Variants in SYNE1 observed in about 807,000 individuals in gnomAD.
SYNE1 encodes spectrin repeat containing nuclear envelope protein 1.
SYNE1 carries 616 observed loss-of-function variants against 1,111.0 expected under a neutral mutation model. That is an observed-to-expected ratio of 0.55 (90% CI 0.52 to 0.59). SYNE1 has a LOEUF of 0.59. SYNE1 is among the 20% of genes least tolerant of loss of function. The pLI, the probability that SYNE1 is intolerant of heterozygous loss-of-function variation, is 0.00. For missense variants in SYNE1, 10,006 were observed against 10,417.0 expected (o/e 0.96, Z 1.72); for synonymous variants, 3,855 against 3,825.8 (o/e 1.01, Z -0.28).
chr6:152,221,135 A>G (rs1452184517), intron 118 of SYNE1, 89 bp from the exon 119 acceptor site: 13 of 1,332,942 alleles, frequency 9.8e-6, no homozygotes, highest in Non-Finnish European at 1.4e-5. Context: ...ATCCTGGTTC[A>G]TGTGAATATA....
chr6:152,380,793 C>T (rs2097398652), intron 56 of SYNE1, among the ~76,000 whole-genome samples: 2 of 152,134 alleles, frequency 1.3e-5, no homozygotes, highest in African/African-American at 2.4e-5. Flanking sequence ...ATGTTTCCTA[C>T]CGCAAATAAT....
intron 131 of SYNE1, among the ~76,000 whole-genome samples, chr6:152,159,187 G>C (rs2061950469): frequency 6.6e-6 from 1 of 152,196 alleles, no homozygotes; most frequent in Non-Finnish European, 1.5e-5. Context: ...TGGTAACTGT[G>C]ACATGATTAA....
intron 58 of SYNE1, among the ~76,000 whole-genome samples, chr6:152,375,633 C>T (rs2097266330): frequency 6.6e-6 from 1 of 152,160 alleles, no homozygotes; most frequent in Non-Finnish European, 1.5e-5. Context: ...TAAAATATAA[C>T]CGCAGCTCTG....
At chr6:152,367,431 A>C in intron 61 of SYNE1, 49 bp from the exon 62 acceptor site, 1 of 1,608,548 alleles carries the variant, frequency 6.2e-7, no homozygotes, top group Admixed American at 1.7e-5. Flanking sequence ...ACAGAGACAA[A>C]CTGCAAAGCT....
At chr6:152,615,403 C>G (rs1415331218) in intron 3 of SYNE1, among the ~76,000 whole-genome samples, 1 of 148,530 alleles carries the variant, frequency 6.7e-6, no homozygotes, top group Non-Finnish European at 1.5e-5. Context: ...AAGATGACTC[C>G]AAGACTCAAT....
At chr6:152,238,935 G>C (rs561524257) in intron 108 of SYNE1, among the ~76,000 whole-genome samples, 2 of 147,206 alleles carry the variant, frequency 1.4e-5, no homozygotes, top group Non-Finnish European at 3.0e-5. Flanking sequence ...TTTTACTCCC[G>C]TTGCCCAGGC....
chr6:152,222,110 C>T (rs2080320406), intron 117 of SYNE1, among the ~76,000 whole-genome samples: 1 of 152,142 alleles, frequency 6.6e-6, no homozygotes. Flanking sequence ...CAACTGAGGT[C>T]AGTTTAGATT....
intron 60 of SYNE1, 135 bp downstream of exon 60, chr6:152,369,336 C>T: frequency 2.1e-6 from 3 of 1,448,664 alleles, no homozygotes; most frequent in South Asian, 2.4e-5. Flanking sequence ...TAAAATCCAC[C>T]AGAAATGGGG....
intron 124 of SYNE1, among the ~76,000 whole-genome samples, chr6:152,208,771 T>C (rs1038686076): frequency 2.0e-5 from 3 of 152,234 alleles, no homozygotes; most frequent in African/African-American, 4.8e-5. Context: ...TAGCAAATCA[T>C]TCCAGATGTT....
intron 12 of SYNE1, among the ~76,000 whole-genome samples, chr6:152,487,029 C>G (rs1400725121): frequency 6.6e-6 from 1 of 152,146 alleles, no homozygotes; most frequent in Non-Finnish European, 1.5e-5. Context: ...AAATAAATCA[C>G]AATTTTTATT....
At chr6:152,362,043 T>C in intron 64 of SYNE1, 127 bp downstream of exon 64, 1 of 1,313,718 alleles carries the variant, frequency 7.6e-7, no homozygotes, top group Non-Finnish European at 1.1e-6. Flanking sequence ...GAGATTATAC[T>C]AAAAGCCCCA....
intron 3 of SYNE1, among the ~76,000 whole-genome samples, chr6:152,609,170 C>T (rs754229498): frequency 6.6e-6 from 1 of 151,984 alleles, no homozygotes; most frequent in Non-Finnish European, 1.5e-5. Flanking sequence ...GGTGGGGCAC[C>T]GCCTCACCTC....
intron 3 of SYNE1, among the ~76,000 whole-genome samples, chr6:152,578,925 T>C (rs1364507705): frequency 6.6e-6 from 1 of 152,236 alleles, no homozygotes; most frequent in Non-Finnish European, 1.5e-5. Flanking sequence ...TGGAAACAGA[T>C]GTTAAGTTAA....
intron 3 of SYNE1, among the ~76,000 whole-genome samples, chr6:152,578,849 AT>A (rs922716641): frequency 1.3e-5 from 2 of 151,716 alleles, no homozygotes; most frequent in African/African-American, 2.4e-5. Flanking sequence ...TTAACTTTTT[AT>A]TTTTTTTAAC....
intron 14 of SYNE1, among the ~76,000 whole-genome samples, chr6:152,479,960 A>C (rs1451683079): frequency 6.6e-6 from 1 of 152,204 alleles, no homozygotes; most frequent in South Asian, 2.1e-4. Flanking sequence ...TTTTTTTAAA[A>C]GGTGTGAAGA....
Position 152,213,595 on chromosome 6 carries a change from C to T in SYNE1, c.22494+17G>A, listed in dbSNP as rs1384225907. 1.2e-6 allele frequency: 2 copies of T among 1,613,974 alleles called. No individual in the cohort carries two copies. The highest frequency in any genetic ancestry group is 1.1e-5 in the South Asian group (1 of 91,072). ...TAAAAATTTCTTATTACCCCCAAAT[C>T]TACTGATACAACTTACCTCGTGTGC... On this transcript the variant is annotated intron_variant, in intron 123 of 145. Coordinates refer to ENST00000367255, the MANE Select transcript of SYNE1 (RefSeq NM_182961.4).
rs746730802 is a variant in SYNE1, at chr6:152,433,783, T to G, written c.4461+12A>C. On this transcript the variant is annotated intron_variant, in intron 34 of 145. Coordinates refer to ENST00000367255, the MANE Select transcript of SYNE1 (RefSeq NM_182961.4). ...AGACATGGATTATAAATATAATGTG[T>G]GAGCAGGTCACCTTAATTTGGCTGA... 6.2e-7 allele frequency: 1 copy of G among 1,613,582 alleles called. No individual in the cohort carries two copies. Among genetic ancestry groups the G allele is most frequent in the Admixed American group, 1.7e-5 (1 of 60,000 alleles).
chr6:152,351,780 G>A lies in SYNE1; in HGVS notation c.11580+247C>T, dbSNP rs182188683. Among the ~76,000 whole-genome samples, 158 of 152,186 alleles carry A rather than the reference G, an allele frequency of 1.0e-3. 3 individuals carry two copies. The highest frequency in any genetic ancestry group is 7.7e-4 in the East Asian group (4 of 5,176). On this transcript the variant is annotated intron_variant, in intron 70 of 145. Coordinates refer to ENST00000367255, the MANE Select transcript of SYNE1 (RefSeq NM_182961.4). Reference sequence around the variant, plus strand: ...AAGGTCTTCATTGATTGACAGATACGTACAATCAATAAATATATTGATACA... The same window carrying A: ...AAGGTCTTCATTGATTGACAGATACATACAATCAATAAATATATTGATACA...
intron 102 of SYNE1, among the ~76,000 whole-genome samples, chr6:152,256,138 G>A (rs972368181): frequency 7.2e-5 from 11 of 151,942 alleles, no homozygotes; most frequent in Admixed American, 6.6e-4. Flanking sequence ...AAACAGGATG[G>A]GGCCAGGCGC....
Sources: gnomAD v4.1 joint callset for allele counts (sites outside exome capture counted in the v4.1 genomes callset) on GRCh38, gnomAD v4.1.1 for gene constraint, MANE v1.5 for transcripts, NCBI Gene and HGNC (gene_info 2026-07-23, HGNC 2026-07-21) for gene names.